The following DOCK10 variants were observed in gnomAD, a reference collection of about 807,000 sequenced individuals.
DOCK10 encodes the protein dedicator of cytokinesis 10, also known as dedicator of cytokinesis protein 10.
DOCK10 carries 145 observed loss-of-function variants against 280.1 expected under a neutral mutation model. The observed-to-expected ratio is 0.52, with a 90% CI of 0.45 to 0.59. DOCK10 has a LOEUF of 0.59. Among genes scored for constraint, DOCK10 ranks in the 20% least tolerant of loss-of-function variants. The pLI is 0.00. For missense variants in DOCK10, 2,368 were observed against 2,651.7 expected, an observed-to-expected ratio of 0.89 and a Z score of 2.35; for synonymous variants, 915 against 942.2, an observed-to-expected ratio of 0.97 and a Z score of 0.53.
intron 47 of DOCK10, among the ~76,000 whole-genome samples, chr2:224,791,865 T>C (rs528257766): frequency 4.6e-4 from 70 of 152,326 alleles, no homozygotes; most frequent in Admixed American, 1.1e-3. Context: ...GTTTCTGAAA[T>C]ATAGCAAGTA....
At chr2:224,863,545 C>G (rs1010445956) in intron 13 of DOCK10, among the ~76,000 whole-genome samples, 16 of 152,090 alleles carry the variant, frequency 1.1e-4, no homozygotes, top group Non-Finnish European at 2.4e-4. Context: ...CTCCGCCTCC[C>G]GGGTTCACGC....
chr2:224,814,709 A>T (rs1694010511), intron 30 of DOCK10, among the ~76,000 whole-genome samples: 1 of 151,946 alleles, frequency 6.6e-6, no homozygotes, highest in South Asian at 2.1e-4. Flanking sequence ...TTTAGTAGAG[A>T]TGGGGTTTTG....
At chr2:224,833,041 A>C (rs564364064) in intron 26 of DOCK10, among the ~76,000 whole-genome samples, 1 of 151,310 alleles carries the variant, frequency 6.6e-6, no homozygotes, top group Non-Finnish European at 1.5e-5. Context: ...CATTCCCTTC[A>C]CTCCATATTT....
chr2:224,871,451 G>T (rs1698279978), intron 11 of DOCK10, among the ~76,000 whole-genome samples: 1 of 152,112 alleles, frequency 6.6e-6, no homozygotes, highest in Non-Finnish European at 1.5e-5. Context: ...GCAATAAACG[G>T]TGGTAGTAGC....
intron 3 of DOCK10, among the ~76,000 whole-genome samples, chr2:224,908,413 G>A (rs985195632): frequency 3.5e-5 from 3 of 84,624 alleles, no homozygotes; most frequent in Admixed American, 1.4e-4. Flanking sequence ...AATCATCATC[G>A]TTTGTGTGTG....
intron 1 of DOCK10, among the ~76,000 whole-genome samples, chr2:225,025,449 CTAATA>C (rs1038648092): frequency 6.6e-6 from 1 of 152,122 alleles, no homozygotes; most frequent in African/African-American, 2.4e-5. Context: ...AATGCACAAT[CTAATA>C]TGACTCACCA....
chr2:225,020,206 A>T (rs1187504552), intron 1 of DOCK10, among the ~76,000 whole-genome samples: 2 of 151,250 alleles, frequency 1.3e-5, no homozygotes, highest in East Asian at 3.9e-4. Context: ...TATATATATA[A>T]ATGTTATATA....
chr2:224,832,277 C>A (rs1244044616), intron 26 of DOCK10, among the ~76,000 whole-genome samples: 2 of 152,160 alleles, frequency 1.3e-5, no homozygotes, highest in Non-Finnish European at 2.9e-5. Flanking sequence ...TCTATGTATT[C>A]TTCTGAGATT....
intron 2 of DOCK10, among the ~76,000 whole-genome samples, chr2:224,921,112 A>AAAAAAAAATATATATATAT: frequency 1.8e-5 from 1 of 54,426 alleles, no homozygotes; most frequent in Non-Finnish European, 3.0e-5. Context: ...AAAAAAAAAA[A>AAAAAAAAATATATATATAT]ATATATATAT....
At chr2:225,021,290 T>C (rs1025633885) in intron 1 of DOCK10, among the ~76,000 whole-genome samples, 5 of 152,012 alleles carry the variant, frequency 3.3e-5, no homozygotes, top group African/African-American at 1.2e-4. Flanking sequence ...TAACAGACGG[T>C]TGGTTAAACA....
chr2:224,956,578 T>C (rs1042889855), intron 1 of DOCK10, among the ~76,000 whole-genome samples: 3 of 141,784 alleles, frequency 2.1e-5, no homozygotes, highest in Non-Finnish European at 4.5e-5. Context: ...GAGCCGAGAT[T>C]GCACCACTGC....
chr2:224,845,655 A>C lies in DOCK10; in HGVS notation c.2236-13T>G. ...GCTCAATTTTCACCTGCAACGAAAG[A>C]AACCATAGTTGGACTGAGATTAAAA... On this transcript the variant is annotated splice_polypyrimidine_tract_variant and intron_variant, in intron 19 of 55. Coordinates refer to ENST00000258390, the MANE Select transcript of DOCK10 (RefSeq NM_014689.3). The C allele has an allele frequency of 6.2e-7, 1 of 1,606,146 alleles. No individual in the cohort carries two copies. Among genetic ancestry groups the C allele is most frequent in the Non-Finnish European group, 8.5e-7 (1 of 1,176,848 alleles).
At chr2:224,983,329 C>G (rs1321399365) in intron 1 of DOCK10, 1 of 158,838 alleles carries the variant, frequency 6.3e-6, no homozygotes, top group African/African-American at 2.4e-5. Context: ...CTGGAATGGC[C>G]TCAACATCTA....
In DOCK10 at chr2:224,772,625, G is replaced by C. The variant is rs574888956; in HGVS notation, c.6204+532C>G. Among the ~76,000 whole-genome samples, 45 of 152,290 alleles carry C rather than the reference G, an allele frequency of 3.0e-4. No homozygotes were observed. In the South Asian group the frequency reaches 7.3e-3, roughly 25 times the overall value. On this transcript the variant is annotated intron_variant, in intron 53 of 55. Coordinates refer to ENST00000258390, the MANE Select transcript of DOCK10 (RefSeq NM_014689.3). ...CTGAGTGCTGCCAGCCCCTGTGCCA[G>C]CCCTTTCTGGCTTTCCCAAATGCTG... is the stretch of plus-strand genomic sequence containing the variant.
At chr2:224,905,471 G>C (rs963093729) in intron 3 of DOCK10, among the ~76,000 whole-genome samples, 2 of 150,494 alleles carry the variant, frequency 1.3e-5, no homozygotes, top group African/African-American at 2.4e-5. Flanking sequence ...GGATGGTCTC[G>C]ATCTCCTGAC....
chr2:224,984,188 G>A (rs556885145), intron 1 of DOCK10, among the ~76,000 whole-genome samples: 5 of 152,184 alleles, frequency 3.3e-5, no homozygotes, highest in Admixed American at 2.0e-4. Flanking sequence ...TAGTTTGCAG[G>A]CAGCAAGCTG....
At chr2:224,793,491 G>A (rs1692351373) in intron 45 of DOCK10, 34 bp from the exon 46 acceptor site, 6 of 1,574,218 alleles carry the variant, frequency 3.8e-6, no homozygotes, top group Non-Finnish European at 5.2e-6. Flanking sequence ...AGGCTCAGGG[G>A]ATGGAGTTTA....
chr2:224,852,289 A>G, intron 18 of DOCK10, 88 bp downstream of exon 18: 1 of 965,732 alleles, frequency 1.0e-6, no homozygotes, highest in South Asian at 1.4e-5. Flanking sequence ...TTTCAACCAC[A>G]CTCACATAAA....
chr2:224,792,851 T>A (rs925694505), intron 47 of DOCK10, 123 bp downstream of exon 47: 7 of 679,468 alleles, frequency 1.0e-5, no homozygotes. Flanking sequence ...GCAGAGTAAG[T>A]TGGGTAGATC....
Sources: gnomAD v4.1 joint callset for allele counts (sites outside exome capture counted in the v4.1 genomes callset) on GRCh38, gnomAD v4.1.1 for gene constraint, MANE v1.5 for transcripts, NCBI Gene and HGNC (gene_info 2026-07-23, HGNC 2026-07-21) for gene names.